Variants in IRGM observed in about 807,000 individuals in gnomAD.
The protein encoded by IRGM is immunity related GTPase M.
For synonymous variants in IRGM, 98 were observed against 80.6 expected (o/e 1.22, Z -1.16); for missense variants, 288 against 219.9 (o/e 1.31, Z -1.96).
At chr5:150,870,980 A>C (rs1754275008) in intron 1 of IRGM, among the ~76,000 whole-genome samples, 1 of 144,624 alleles carries the variant, frequency 6.9e-6, no homozygotes, top group Admixed American at 6.9e-5. Flanking sequence ...AATTCCCACC[A>C]AAAAAAAAAA....
At chr5:150,850,881 C>A (rs927990133), downstream of IRGM, among the ~76,000 whole-genome samples, 17 of 152,266 alleles carry the variant, frequency 1.1e-4, no homozygotes, top group Non-Finnish European at 1.9e-4. Flanking sequence ...GAGGCAAAGA[C>A]GGATGAAGGA....
At position 150,899,397 on chromosome 5, in the gene IRGM, C is replaced by T. The variant is rs79349894; in HGVS notation, c.*141-1192C>T. On this transcript the variant is annotated intron_variant and NMD_transcript_variant, in intron 3 of 3. Coordinates refer to the IRGM transcript ENST00000520549. Reference sequence around the variant, plus strand: ...AATTAATGATTATAGAGCAGAAATGCCCTTTGTAAGTACATTTTTTTTTAA... The same window carrying T: ...AATTAATGATTATAGAGCAGAAATGTCCTTTGTAAGTACATTTTTTTTTAA... Among the ~76,000 whole-genome samples, 101 of 151,722 alleles carry T rather than the reference C, an allele frequency of 6.7e-4. 2 individuals are homozygous for T. In the East Asian group the frequency reaches 0.016, roughly 24 times the overall value.
intron 1 of IRGM, among the ~76,000 whole-genome samples, chr5:150,865,999 C>A (rs1332185081): frequency 6.6e-6 from 1 of 152,176 alleles, no homozygotes; most frequent in Non-Finnish European, 1.5e-5. Flanking sequence ...TCAAGTGATC[C>A]ACCCGCCTTG....
rs145650341 is a variant in IRGM, at chr5:150,868,777, T to A, written c.159-9203T>A. On this transcript the variant is annotated intron_variant and NMD_transcript_variant, in intron 1 of 3. Transcript: ENST00000520549. ...AGCAGTTACATTCTTGATTTGATTA[T>A]CAGCTTGGTCACTGTTGGTGTGTAG... Among the ~76,000 whole-genome samples, 306 of 152,298 alleles carry A rather than the reference T, an allele frequency of 2.0e-3. 1 individual carries two copies. Among genetic ancestry groups the A allele is most frequent in the African/African-American group, 6.9e-3 (288 of 41,582 alleles).
chr5:150,850,480 T>C (rs144829741), downstream of IRGM, among the ~76,000 whole-genome samples: 158 of 152,350 alleles, frequency 1.0e-3, 2 homozygotes, highest in African/African-American at 3.7e-3. Flanking sequence ...CTCATGTATA[T>C]ATACAATAGT....
chr5:150,862,926 G>A (rs1260507114), intron 1 of IRGM, among the ~76,000 whole-genome samples: 3 of 152,158 alleles, frequency 2.0e-5, no homozygotes, highest in African/African-American at 7.2e-5. Context: ...CATTGGCAGG[G>A]AGGAGAAGAA....
At chr5:150,880,754 T>C (rs1218730714) in intron 3 of IRGM, among the ~76,000 whole-genome samples, 2 of 152,246 alleles carry the variant, frequency 1.3e-5, no homozygotes, top group Non-Finnish European at 2.9e-5. Context: ...GAGTACCTCA[T>C]GGAAGTTAAT....
downstream of IRGM, among the ~76,000 whole-genome samples, chr5:150,853,406 G>A (rs2113254133): frequency 6.6e-6 from 1 of 152,196 alleles, no homozygotes; most frequent in East Asian, 1.9e-4. Flanking sequence ...TATTCTAATG[G>A]AATCTTGTTG....
chr5:150,889,892 T>G (rs1309079629), intron 3 of IRGM, among the ~76,000 whole-genome samples: 1 of 152,126 alleles, frequency 6.6e-6, no homozygotes, highest in African/African-American at 2.4e-5. Flanking sequence ...ACTTGGGTCT[T>G]GATGTATTAT....
At chr5:150,853,731 C>G (rs945289689) in intron 1 of IRGM, among the ~76,000 whole-genome samples, 3 of 152,062 alleles carry the variant, frequency 2.0e-5, no homozygotes, top group African/African-American at 7.2e-5. Flanking sequence ...CACCCCTGCT[C>G]TCTTTCAGTT....
chr5:150,854,312 A>G (rs1255128807), intron 1 of IRGM, among the ~76,000 whole-genome samples: 1 of 152,090 alleles, frequency 6.6e-6, no homozygotes, highest in Non-Finnish European at 1.5e-5. Context: ...TTTGCCTTTT[A>G]AATTCTTTAA....
intron 3 of IRGM, among the ~76,000 whole-genome samples, chr5:150,898,954 G>C (rs1754897949): frequency 6.6e-6 from 1 of 152,014 alleles, no homozygotes; most frequent in Non-Finnish European, 1.5e-5. Flanking sequence ...CTTGGAAACA[G>C]GGTCATTGCA....
chr5:150,881,903 C>T (rs114189295), intron 3 of IRGM, among the ~76,000 whole-genome samples: 171 of 152,200 alleles, frequency 1.1e-3, no homozygotes, highest in African/African-American at 3.7e-3. Context: ...AAGGAATCAG[C>T]GAGGCACAGT....
At chr5:150,865,656 A>G (rs1227502999) in intron 1 of IRGM, among the ~76,000 whole-genome samples, 3 of 152,268 alleles carry the variant, frequency 2.0e-5, no homozygotes, top group Non-Finnish European at 4.4e-5. Flanking sequence ...AATATCAGCA[A>G]CCAACAAATA....
At chr5:150,862,408 A>T (rs1399814978) in intron 1 of IRGM, among the ~76,000 whole-genome samples, 1 of 152,222 alleles carries the variant, frequency 6.6e-6, no homozygotes, top group Non-Finnish European at 1.5e-5. Context: ...AAAGGAGGGA[A>T]TAATTGGGAA....
downstream of IRGM, among the ~76,000 whole-genome samples, chr5:150,850,911 G>A (rs1185703694): frequency 6.6e-6 from 1 of 152,148 alleles, no homozygotes; most frequent in Non-Finnish European, 1.5e-5. Context: ...AGAGATATCT[G>A]AGTATTACTC....
At chr5:150,868,168 C>A (rs1486852124) in intron 1 of IRGM, among the ~76,000 whole-genome samples, 5 of 152,090 alleles carry the variant, frequency 3.3e-5, no homozygotes, top group Non-Finnish European at 7.4e-5. Context: ...AGATAAGTAT[C>A]CAGTTTCATT....
Position 150,896,564 on chromosome 5 carries a change from A to T in IRGM, c.*141-4025A>T, listed in dbSNP as rs755312771. ...TCTTCTCAAGATTAGAATTGGGCTC[A>T]CTCTGGCTAGATGATTTTCCACCTC... On this transcript the variant is annotated intron_variant and NMD_transcript_variant, in intron 3 of 3. Coordinates refer to the IRGM transcript ENST00000520549. 4 of 1,613,598 alleles carry T rather than the reference A, an allele frequency of 2.5e-6. No individual in the cohort carries two copies. In the South Asian group the frequency reaches 4.4e-5, roughly 18 times the overall value.
intron 1 of IRGM, among the ~76,000 whole-genome samples, chr5:150,859,616 G>A (rs1014214617): frequency 2.0e-5 from 3 of 152,140 alleles, no homozygotes; most frequent in Non-Finnish European, 2.9e-5. Context: ...CCTGTTATTG[G>A]TCTATTCAGA....
Sources: allele counts gnomAD v4.1 joint callset (sites outside exome capture counted in the v4.1 genomes callset), GRCh38; gene constraint gnomAD v4.1.1; transcripts MANE v1.5; gene names NCBI Gene and HGNC (gene_info 2026-07-23, HGNC 2026-07-21).